PCSK6: variants seen among roughly 807,000 people sequenced by gnomAD.
The protein encoded by PCSK6 is proprotein convertase subtilisin/kexin type 6.
In PCSK6, 85 loss-of-function variants were observed where a neutral mutation model predicts 123.3. That is an observed-to-expected ratio of 0.69 (90% CI 0.58 to 0.83). The LOEUF is 0.83. PCSK6 is among the 40% of genes least tolerant of loss of function. The pLI is 0.00. For synonymous variants in PCSK6, 508 were observed against 516.0 expected (o/e 0.98, Z 0.21); for missense variants, 1,191 against 1,282.3 (o/e 0.93, Z 1.09).
chr15:101,399,599 T>C (rs1262850312), intron 6 of PCSK6, among the ~76,000 whole-genome samples: 1 of 152,182 alleles, frequency 6.6e-6, no homozygotes, highest in Non-Finnish European at 1.5e-5. Flanking sequence ...CTGGGTGCCC[T>C]CTGCAGCCAG....
At chr15:101,416,793 T>C (rs2055903287) in intron 6 of PCSK6, among the ~76,000 whole-genome samples, 1 of 152,242 alleles carries the variant, frequency 6.6e-6, no homozygotes, top group African/African-American at 2.4e-5. Flanking sequence ...AACTTCCACT[T>C]GTGTGTTGAG....
intron 9 of PCSK6, among the ~76,000 whole-genome samples, chr15:101,386,318 G>T (rs2042063031): frequency 6.6e-6 from 1 of 152,134 alleles, no homozygotes; most frequent in Non-Finnish European, 1.5e-5. Flanking sequence ...GATGTCACAG[G>T]CGTCTCTCCA....
intron 1 of PCSK6, among the ~76,000 whole-genome samples, chr15:101,457,761 C>T (rs976297815): frequency 2.0e-5 from 3 of 152,320 alleles, no homozygotes; most frequent in East Asian, 3.9e-4. Context: ...GCAGCCCTGG[C>T]CACCCCTCTG....
chr15:101,305,082 ACCT>A lies in PCSK6; in HGVS notation c.*173_*175del. The A allele has an allele frequency of 3.4e-6, 2 of 587,642 alleles. No individual in the cohort carries two copies. The highest frequency in any genetic ancestry group is 4.1e-5 in the South Asian group (2 of 48,416). 36.4% of individuals were successfully genotyped at this position (587,642 alleles called of 1,614,324 possible). ...GAGAGGATATCACCATTTTAGGAACACCTCCTTAAGAGCCACCACCCACCTGGC... is the reference window on the plus strand; with the variant it reads ...GAGAGGATATCACCATTTTAGGAACACCTTAAGAGCCACCACCCACCTGGC... On this transcript the variant is annotated 3_prime_UTR_variant, in exon 22 of 22. Transcript: ENST00000611716. The surrounding 1 kb of genome is among the most constrained non-coding windows in gnomAD (Gnocchi z 4.8).
chr15:101,366,357 A>C, intron 12 of PCSK6, 25 bp from the exon 13 acceptor site: 1 of 1,607,518 alleles, frequency 6.2e-7, no homozygotes, highest in South Asian at 1.1e-5. Flanking sequence ...GTGGTGTCAG[A>C]AATGAAGGTG....
intron 12 of PCSK6, 44 bp downstream of exon 12, chr15:101,370,291 T>C: frequency 7.0e-7 from 1 of 1,436,468 alleles, no homozygotes; most frequent in South Asian, 1.5e-5. Context: ...GCAGGGTCAA[T>C]CTCAGTGAGC....
chr15:101,363,013 G>A (rs934929807), intron 13 of PCSK6, among the ~76,000 whole-genome samples: 1 of 152,242 alleles, frequency 6.6e-6, no homozygotes, highest in Admixed American at 6.5e-5. Flanking sequence ...AGTGGGCTGG[G>A]AGTGAGCCAG....
intron 13 of PCSK6, chr15:101,364,783 A>T (rs1183344069): frequency 4.5e-6 from 2 of 445,836 alleles, no homozygotes; most frequent in Admixed American, 3.6e-5. Flanking sequence ...ACTACCTTTT[A>T]AAAAAGAAAT....
chr15:101,429,467 G>A (rs2056373381), intron 5 of PCSK6, among the ~76,000 whole-genome samples: 1 of 152,152 alleles, frequency 6.6e-6, no homozygotes, highest in East Asian at 1.9e-4. Flanking sequence ...GAGCCTCTAA[G>A]ACACTAAGAC....
At chr15:101,441,992 T>C (rs1333382539) in intron 2 of PCSK6, among the ~76,000 whole-genome samples, 1 of 152,200 alleles carries the variant, frequency 6.6e-6, no homozygotes, top group Non-Finnish European at 1.5e-5. Flanking sequence ...CTATGCACCC[T>C]GTACAGAGGC....
chr15:101,348,500 C>T (rs915206743), intron 13 of PCSK6, among the ~76,000 whole-genome samples: 3 of 152,148 alleles, frequency 2.0e-5, no homozygotes, highest in African/African-American at 7.2e-5. Context: ...CGTGAGACAC[C>T]GTCACAGCAC....
intron 2 of PCSK6, among the ~76,000 whole-genome samples, chr15:101,441,255 A>G (rs1208848645): frequency 6.6e-6 from 1 of 152,124 alleles, no homozygotes; most frequent in Non-Finnish European, 1.5e-5. Flanking sequence ...TTGCCCTCAG[A>G]CCCAAACTGA....
intron 1 of PCSK6, among the ~76,000 whole-genome samples, chr15:101,484,116 TACAAAG>T (rs1337382324): frequency 2.0e-5 from 3 of 151,994 alleles, no homozygotes; most frequent in Non-Finnish European, 4.4e-5. Context: ...TATACCCTGA[TACAAAG>T]AAAAAAAGTA....
intron 2 of PCSK6, among the ~76,000 whole-genome samples, chr15:101,442,408 TG>T (rs1473379743): frequency 1.3e-5 from 2 of 152,306 alleles, no homozygotes; most frequent in Admixed American, 6.5e-5. Context: ...CCCAGGTCCA[TG>T]GGTGAGCTCC....
intron 13 of PCSK6, among the ~76,000 whole-genome samples, chr15:101,363,749 C>T (rs1368884414): frequency 6.6e-6 from 1 of 151,906 alleles, no homozygotes; most frequent in Admixed American, 6.6e-5. Context: ...CCTGCCTCAG[C>T]CTCCCTAAGA....
intron 13 of PCSK6, among the ~76,000 whole-genome samples, chr15:101,342,190 TAAG>T (rs1212323522): frequency 6.7e-6 from 1 of 148,620 alleles, no homozygotes; most frequent in African/African-American, 2.5e-5. Context: ...ATCACTGTTT[TAAG>T]AAGGAGTTTG....
chr15:101,343,600 CAT>C (rs1234922353), intron 13 of PCSK6, among the ~76,000 whole-genome samples: 17 of 152,032 alleles, frequency 1.1e-4, no homozygotes, highest in Non-Finnish European at 2.4e-4. Flanking sequence ...TCTTTTAACA[CAT>C]AAATTATTTA....
At chr15:101,313,324 C>T in intron 20 of PCSK6, 52 bp downstream of exon 20, 2 of 1,612,346 alleles carry the variant, frequency 1.2e-6, no homozygotes, top group Non-Finnish European at 8.5e-7. Flanking sequence ...GCCCTCCAGG[C>T]ACTCCTTTGC....
At chr15:101,324,732 T>C in intron 17 of PCSK6, 118 bp downstream of exon 17, 1 of 864,758 alleles carries the variant, frequency 1.2e-6, no homozygotes, top group Non-Finnish European at 1.8e-6. Context: ...AAGTCCTTAC[T>C]CAGAACAACA....
Sources: allele counts gnomAD v4.1 joint callset (sites outside exome capture counted in the v4.1 genomes callset), GRCh38; gene constraint gnomAD v4.1.1; non-coding constraint Gnocchi (gnomAD v3.1); transcripts MANE v1.5; gene names NCBI Gene and HGNC (gene_info 2026-07-23, HGNC 2026-07-21).